Variants in CYB5R2 observed in about 807,000 individuals in gnomAD.
CYB5R2 encodes NADH-cytochrome b5 reductase 2.
CYB5R2 carries 35 observed loss-of-function variants against 29.8 expected under a neutral mutation model. The observed-to-expected ratio is 1.17, with a 90% CI of 0.90 to 1.56. CYB5R2 has a LOEUF of 1.56. Among genes scored for constraint, CYB5R2 ranks in the 40% most tolerant of loss-of-function variants. The pLI is 0.00. For missense variants in CYB5R2, 419 were observed against 346.7 expected (o/e 1.21, Z -1.66); for synonymous variants, 169 against 130.6 (o/e 1.29, Z -2.01).
chr11:7,673,264 G>A, intron 1 of CYB5R2, 155 bp downstream of exon 1: 1 of 628,560 alleles, frequency 1.6e-6, no homozygotes, highest in South Asian at 3.7e-5. Flanking sequence ...GGAATGAGGG[G>A]CCCAGTCCCT....
chr11:7,669,360 C>G (rs375222567), intron 4 of CYB5R2, 26 bp from the exon 5 acceptor site: 2 of 1,595,292 alleles, frequency 1.3e-6, no homozygotes, highest in African/African-American at 1.3e-5. Flanking sequence ...GCACTGCTTT[C>G]ACATTCCCAG....
chr11:7,666,153 CTG>C, intron 8 of CYB5R2: 1 of 601,214 alleles, frequency 1.7e-6, no homozygotes, highest in South Asian at 2.0e-5. Context: ...TATGTGATGG[CTG>C]TGTGGAATGG....
intron 1 of CYB5R2, 130 bp from the exon 2 acceptor site, chr11:7,673,021 G>C: frequency 1.1e-6 from 1 of 883,130 alleles, no homozygotes; most frequent in Non-Finnish European, 1.7e-6. Flanking sequence ...AATAGGCAAA[G>C]AGAACAGTAG....
chr11:7,672,978 C>T, intron 1 of CYB5R2, 87 bp from the exon 2 acceptor site: 1 of 1,295,346 alleles, frequency 7.7e-7, no homozygotes, highest in Non-Finnish European at 1.1e-6. Flanking sequence ...CTCCCCACAC[C>T]AAAGGCACAG....
intron 8 of CYB5R2, chr11:7,665,883 G>C: frequency 2.0e-6 from 3 of 1,536,182 alleles, no homozygotes; most frequent in Non-Finnish European, 2.6e-6. Flanking sequence ...GTGGCCTGGT[G>C]TTAGTGGAAC....
At chr11:7,665,621 C>T (rs1202089188) in intron 8 of CYB5R2, 75 bp from the exon 9 acceptor site, 1 of 1,450,476 alleles carries the variant, frequency 6.9e-7, no homozygotes, top group Non-Finnish European at 9.3e-7. Flanking sequence ...CCTGCACACC[C>T]ACCCTCAGCC....
intron 6 of CYB5R2, 101 bp downstream of exon 6, chr11:7,668,377 G>T: frequency 2.2e-6 from 2 of 921,734 alleles, no homozygotes; most frequent in Non-Finnish European, 3.6e-6. Flanking sequence ...TACAGCTGGA[G>T]GCGAAATCTC....
rs1027440705 is a variant in CYB5R2 at position 7,667,812 on chromosome 11, G to A, written c.474C>T (p.Gly158=). Residue 158 remains glycine (G), a splice_region_variant and synonymous_variant, in exon 7 of 9, where the codon GGC becomes GGT. Transcript: ENST00000299498. ...GAATGAGCTGCAACATGGGTGTGATGCCTGGAACACAGTGAGCGAGCAGCC... is the reference window on the plus strand; with the variant it reads ...GAATGAGCTGCAACATGGGTGTGATACCTGGAACACAGTGAGCGAGCAGCC... ...DHLGMIAGGT[G]ITPMLQLIRH... is the part of the protein sequence containing the mutation. The A allele has an allele frequency of 1.2e-6, 2 of 1,613,914 alleles. No individual in the cohort carries two copies. The highest frequency in any genetic ancestry group is 8.5e-7 in the Non-Finnish European group (1 of 1,179,768).
At chr11:7,669,170 C>T in intron 5 of CYB5R2, 35 bp downstream of exon 5, 3 of 1,613,888 alleles carry the variant, frequency 1.9e-6, no homozygotes, top group Non-Finnish European at 2.5e-6. Context: ...AATCTTCCTC[C>T]CAGCTGGGAG....
rs1264967770 is a variant in CYB5R2 at position 7,669,249 on chromosome 11, A to G, written c.344T>C (p.Ile115Thr). 2 of 1,614,152 alleles carry G rather than the reference A, an allele frequency of 1.2e-6. No individual in the cohort carries two copies. Among genetic ancestry groups the G allele is most frequent in the Admixed American group, 3.3e-5 (2 of 60,026 alleles). Residue 115 changes from isoleucine to threonine, a missense_variant, in exon 5 of 9, where the codon ATC becomes ACC. Physicochemically the swap from Ile to Thr is moderately conservative, Grantham distance 89. Coordinates refer to ENST00000299498, the MANE Select transcript of CYB5R2 (RefSeq NM_016229.5). ...GCGTCCCCTTGGCCCTCGAAAAAAG[A>G]TGGTCTCCCCGATTTTCATGTTCTC... Reference protein sequence around the residue: ...YLENMKIGETIFFRGPRGRLF... With the variant: ...YLENMKIGETTFFRGPRGRLF...
chr11:7,669,036 A>G, intron 5 of CYB5R2, 169 bp downstream of exon 5: 1 of 831,814 alleles, frequency 1.2e-6, no homozygotes, highest in Non-Finnish European at 2.0e-6. Flanking sequence ...AACCTCATGA[A>G]GTGGGTGTGT....
intron 6 of CYB5R2, among the ~76,000 whole-genome samples, chr11:7,668,037 C>T (rs1461398460): frequency 6.6e-6 from 1 of 152,262 alleles, no homozygotes; most frequent in Non-Finnish European, 1.5e-5. Context: ...GGAAAGAACA[C>T]TCTAAGTTCT....
chr11:7,665,871 G>T, intron 8 of CYB5R2: 1 of 1,536,134 alleles, frequency 6.5e-7, no homozygotes, highest in South Asian at 1.2e-5. Flanking sequence ...GTCCGGCAGG[G>T]TGTGGCCTGG....
At position 7,667,816 on chromosome 11, in the gene CYB5R2, G is replaced by C; in HGVS notation, c.473-3C>G. 1 of 1,613,698 alleles carries C rather than the reference G, an allele frequency of 6.2e-7. No homozygotes were observed. Among genetic ancestry groups the C allele is most frequent in the South Asian group, 1.1e-5 (1 of 91,082 alleles). On this transcript the variant is annotated splice_region_variant and splice_polypyrimidine_tract_variant and intron_variant, in intron 6 of 8. Transcript: ENST00000299498. ...GAGCTGCAACATGGGTGTGATGCCT[G>C]GAACACAGTGAGCGAGCAGCCAGCT...
chr11:7,673,110 T>A, intron 1 of CYB5R2: 2 of 476,350 alleles, frequency 4.2e-6, no homozygotes, highest in Non-Finnish European at 7.5e-6. Context: ...ACAGGAAGGA[T>A]GTTTCAGGCC....
At chr11:7,672,122 T>C (rs112444238) in intron 3 of CYB5R2, 15 of 280,064 alleles carry the variant, frequency 5.4e-5, no homozygotes, top group Admixed American at 3.3e-4. Context: ...TCCCATTTCA[T>C]AGACTGAGGC....
At chr11:7,666,663 T>G (rs1346324849) in intron 7 of CYB5R2, 113 bp from the exon 8 acceptor site, 4 of 657,112 alleles carry the variant, frequency 6.1e-6, no homozygotes, top group South Asian at 2.0e-5. Context: ...CCAGCTGGAG[T>G]GCTCGCTGCC....
chr11:7,672,800 A>G lies in CYB5R2; in HGVS notation c.26T>C (p.Ile9Thr). Residue 9 changes from isoleucine to threonine, a missense_variant, in exon 2 of 9, where the codon ATC (isoleucine) becomes ACC (threonine). Transcript: ENST00000299498. ...CTTGGCTTCAGGGTCCTGTAAGGTG[A>G]TTGGCTCTCTCCTCCTGGAGTTCAT... MNSRRREPITLQDPEAKYP... is the reference protein window; with the variant it reads MNSRRREPTTLQDPEAKYP... 1 of 1,614,094 alleles carries G rather than the reference A, an allele frequency of 6.2e-7. No individual in the cohort carries two copies. The highest frequency in any genetic ancestry group is 8.5e-7 in the Non-Finnish European group (1 of 1,180,020).
rs13172 is a variant in CYB5R2, at chr11:7,665,365, G to A, written c.*9C>T. The A allele has an allele frequency of 0.77, 1,183,073 of 1,532,040 alleles. 458,060 individuals carry two copies. Among genetic ancestry groups the A allele is most frequent in the African/African-American group, 0.83 (60,785 of 72,890 alleles). 94.9% of individuals were successfully genotyped at this position (1,532,040 alleles called of 1,614,324 possible). On this transcript the variant is annotated 3_prime_UTR_variant, in exon 9 of 9. Transcript: ENST00000299498. The stretch of plus-strand genomic sequence containing the variant: ...AGGGACATGCAAAATTGCTGAGCAC[G>A]TGGAGGTGTTAGTAGGTGAAAATCA...
Sources: allele counts gnomAD v4.1 joint callset (sites outside exome capture counted in the v4.1 genomes callset), GRCh38; gene constraint gnomAD v4.1.1; transcripts MANE v1.5; gene names NCBI Gene and HGNC (gene_info 2026-07-23, HGNC 2026-07-21).